Variants in SH3RF3 observed in about 807,000 individuals in gnomAD.
SH3RF3 encodes SH3 domain containing ring finger 3.
In SH3RF3, 29 loss-of-function variants were observed where a neutral mutation model predicts 66.3. The ratio of observed to expected loss-of-function variants is 0.44; its 90% confidence interval spans 0.33 to 0.60. The LOEUF (loss-of-function observed/expected upper bound fraction) is 0.60. SH3RF3 is among the 20% of genes least tolerant of loss of function. The pLI, the probability that SH3RF3 is intolerant of heterozygous loss-of-function variation, is 0.04. For synonymous variants in SH3RF3, 583 were observed against 532.0 expected, an observed-to-expected ratio of 1.10 and a Z score of -1.32; for missense variants, 1,194 against 1,190.9, an observed-to-expected ratio of 1.00 and a Z score of -0.04.
At chr2:109,352,593 G>A (rs73955553) in intron 2 of SH3RF3, among the ~76,000 whole-genome samples, 2,979 of 152,312 alleles carry the variant, frequency 0.02, 93 homozygotes, top group African/African-American at 0.068. Flanking sequence ...AAGCTTGTGC[G>A]GAGCTCCACG....
At chr2:109,165,082 T>C (rs751949512) in intron 1 of SH3RF3, among the ~76,000 whole-genome samples, 12 of 152,236 alleles carry the variant, frequency 7.9e-5, no homozygotes, top group Admixed American at 2.0e-4. Context: ...CAGAATTCTG[T>C]GTTCTTACTC....
intron 2 of SH3RF3, among the ~76,000 whole-genome samples, chr2:109,361,958 C>T (rs550470904): frequency 5.6e-4 from 85 of 152,082 alleles, no homozygotes; most frequent in African/African-American, 1.9e-3. Context: ...TTTGTGTCCT[C>T]TGTTTTTCTT....
intron 1 of SH3RF3, among the ~76,000 whole-genome samples, chr2:109,217,736 T>C (rs868287304): frequency 8.5e-5 from 13 of 152,150 alleles, no homozygotes; most frequent in African/African-American, 3.1e-4. Context: ...TAACACCAAA[T>C]AACTATGGCC....
chr2:109,482,626 C>T (rs780019625), intron 8 of SH3RF3, among the ~76,000 whole-genome samples: 5 of 152,190 alleles, frequency 3.3e-5, no homozygotes, highest in African/African-American at 7.2e-5. Context: ...TGCTCTTCAC[C>T]ATCGTTTTGA....
intron 8 of SH3RF3, among the ~76,000 whole-genome samples, chr2:109,463,692 T>G (rs1678265646): frequency 6.6e-6 from 1 of 152,238 alleles, no homozygotes; most frequent in South Asian, 2.1e-4. Context: ...TTGTTTCCGC[T>G]GCAGTCAAGC....
At chr2:109,222,674 G>A (rs988193929) in intron 1 of SH3RF3, among the ~76,000 whole-genome samples, 1 of 152,212 alleles carries the variant, frequency 6.6e-6, no homozygotes, top group African/African-American at 2.4e-5. Flanking sequence ...GCCTGGCCAG[G>A]CCTTCCCTGT....
intron 1 of SH3RF3, 140 bp from the exon 2 acceptor site, chr2:109,347,534 A>G (rs1385681577): frequency 8.6e-7 from 1 of 1,157,370 alleles, no homozygotes; most frequent in Non-Finnish European, 1.2e-6. Context: ...TCTTTAAAAT[A>G]TTTTCCACTT....
chr2:109,222,007 A>C (rs948003958), intron 1 of SH3RF3, among the ~76,000 whole-genome samples: 1 of 152,096 alleles, frequency 6.6e-6, no homozygotes, highest in Admixed American at 6.5e-5. Flanking sequence ...AGGGGATACT[A>C]TTCAGCCTTT....
chr2:109,462,820 A>G (rs1376756254), intron 8 of SH3RF3, among the ~76,000 whole-genome samples: 1 of 152,178 alleles, frequency 6.6e-6, no homozygotes, highest in African/African-American at 2.4e-5. Context: ...GACATGAGAT[A>G]AAACTCCACT....
chr2:109,490,934 G>A lies in SH3RF3; in HGVS notation c.2478G>A (p.Glu826=). The change falls in exon 9 of 10, where the codon GAG becomes GAA. Residue 826 remains glutamate, a splice_region_variant and synonymous_variant. Transcript: ENST00000309415. ...IRPEPKLLPR[E]RYRVVVSYPP... ...CCGAGCCCAAGCTGTTGCCCAGAGA[G>A]AGGTAAGTGCAGGGGCTTGTCTGCT... 1 of 1,493,552 alleles carries A rather than the reference G, an allele frequency of 6.7e-7. No individual in the cohort carries two copies. The highest frequency in any genetic ancestry group is 8.9e-7 in the Non-Finnish European group (1 of 1,121,034). The allele number at this position is 1,493,552 out of a possible 1,614,324, so 92.5% of individuals were successfully genotyped here.
intron 1 of SH3RF3, among the ~76,000 whole-genome samples, chr2:109,316,708 A>G (rs578090356): frequency 1.3e-5 from 2 of 152,270 alleles, no homozygotes; most frequent in South Asian, 2.1e-4. Context: ...TGGACATTCC[A>G]CGGGTTTGGA....
chr2:109,387,236 T>C (rs1025269638), intron 3 of SH3RF3, among the ~76,000 whole-genome samples: 5 of 152,234 alleles, frequency 3.3e-5, no homozygotes, highest in Non-Finnish European at 7.3e-5. Context: ...GAGAATATTC[T>C]CATAACATGA....
chr2:109,285,918 T>A (rs545486148), intron 1 of SH3RF3, among the ~76,000 whole-genome samples: 3 of 152,342 alleles, frequency 2.0e-5, no homozygotes, highest in African/African-American at 7.2e-5. Context: ...CAGATTTTTG[T>A]CCACTCACCC....
intron 7 of SH3RF3, among the ~76,000 whole-genome samples, chr2:109,448,926 A>G (rs192405733): frequency 7.4e-4 from 113 of 152,296 alleles, no homozygotes; most frequent in African/African-American, 2.5e-3. Flanking sequence ...CACCTGAGGA[A>G]AGGGGTGTTT....
At chr2:109,346,948 G>A (rs2105556545) in intron 1 of SH3RF3, among the ~76,000 whole-genome samples, 1 of 152,294 alleles carries the variant, frequency 6.6e-6, no homozygotes. Context: ...GATGGCCGGG[G>A]ACTGCTTGTT....
chr2:109,491,693 A>ATC (rs1466555952), intron 9 of SH3RF3, among the ~76,000 whole-genome samples: 3 of 152,232 alleles, frequency 2.0e-5, no homozygotes, highest in Non-Finnish European at 4.4e-5. Context: ...AGCTGGAGGC[A>ATC]TCACAGAGAG....
intron 1 of SH3RF3, among the ~76,000 whole-genome samples, chr2:109,246,801 G>A (rs533087253): frequency 5.1e-4 from 77 of 152,348 alleles, no homozygotes; most frequent in Non-Finnish European, 4.4e-5. Context: ...GAGTTGAACT[G>A]CAGTCGGATG....
At chr2:109,372,366 G>A (rs926238776) in intron 3 of SH3RF3, among the ~76,000 whole-genome samples, 3 of 152,194 alleles carry the variant, frequency 2.0e-5, no homozygotes, top group Non-Finnish European at 4.4e-5. Context: ...TGCCTATGGC[G>A]TGTGTGTCTG....
intron 4 of SH3RF3, among the ~76,000 whole-genome samples, chr2:109,414,219 G>A (rs957496512): frequency 1.3e-5 from 2 of 152,180 alleles, no homozygotes; most frequent in Non-Finnish European, 2.9e-5. Context: ...TCAGGACAAC[G>A]ATCACGAGCC....
Sources: allele counts gnomAD v4.1 joint callset (sites outside exome capture counted in the v4.1 genomes callset), GRCh38; gene constraint gnomAD v4.1.1; transcripts MANE v1.5; gene names NCBI Gene and HGNC (gene_info 2026-07-23, HGNC 2026-07-21).